PEDS1: variants seen among roughly 807,000 people sequenced by gnomAD.
The protein encoded by PEDS1 is plasmanylethanolamine desaturase 1.
PEDS1 carries 14 observed loss-of-function variants against 35.2 expected under a neutral mutation model. The ratio of observed to expected loss-of-function variants is 0.40; its 90% CI spans 0.26 to 0.62. PEDS1 has a LOEUF of 0.62. PEDS1 is among the 20% of genes least tolerant of loss of function. The pLI, the probability that PEDS1 is intolerant of heterozygous loss-of-function variation, is 0.44. For missense variants in PEDS1, 260 were observed against 367.8 expected (o/e 0.71, Z 2.40); for synonymous variants, 152 against 152.0 (o/e 1.00, Z 0.00).
Position 50,125,075 on chromosome 20 carries a change from C to T in PEDS1, c.796G>A (p.Ala266Thr), listed in dbSNP as rs748914753. 6.2e-6 allele frequency: 10 copies of T among 1,614,062 alleles called. No homozygotes were observed. Among genetic ancestry groups the T allele is most frequent in the Non-Finnish European group, 8.5e-6 (10 of 1,179,962 alleles). The change falls in exon 6 of 6, where the codon GCC (alanine) becomes ACC (threonine). Residue 266 changes from alanine to threonine, a missense_variant. By Grantham distance (58) the Ala-to-Thr change is moderately conservative. Around this residue, in one of 4 missense-constraint regions of PEDS1, gnomAD observed 83 missense variants for 142.8 expected, o/e 0.58. Coordinates refer to ENST00000371652, the MANE Select transcript of PEDS1 (RefSeq NM_199129.4). ...EKPRADDMKWAQKIK is the reference protein window; with the variant it reads ...EKPRADDMKWTQKIK ...CGGAGAAGTTATTTGATCTTCTGGGCCCATTTCATGTCATCTGCCCGAGGC... is the reference window on the plus strand; with the variant it reads ...CGGAGAAGTTATTTGATCTTCTGGGTCCATTTCATGTCATCTGCCCGAGGC...
chr20:50,125,244 G>C, intron 5 of PEDS1, 65 bp from the exon 6 acceptor site: 1 of 1,590,252 alleles, frequency 6.3e-7, no homozygotes, highest in Non-Finnish European at 8.6e-7. Context: ...TTGGAAGAGA[G>C]CTGACCTTCA....
At chr20:50,141,637 C>T (rs2081292465) in intron 2 of PEDS1, among the ~76,000 whole-genome samples, 1 of 152,238 alleles carries the variant, frequency 6.6e-6, no homozygotes, top group Non-Finnish European at 1.5e-5. Context: ...GAGGCCTGCT[C>T]GTAACCATCC....
chr20:50,131,921 C>T (rs537645888), intron 2 of PEDS1, among the ~76,000 whole-genome samples: 4 of 152,168 alleles, frequency 2.6e-5, no homozygotes, highest in South Asian at 4.1e-4. Flanking sequence ...GGGAATGATG[C>T]GACTGGGCGC....
intron 1 of PEDS1, among the ~76,000 whole-genome samples, chr20:50,144,586 A>G (rs2081327537): frequency 1.3e-5 from 2 of 152,226 alleles, no homozygotes; most frequent in Non-Finnish European, 1.5e-5. Context: ...CAGACACACG[A>G]GCCCAGACAA....
At chr20:50,134,822 C>A (rs2081216235) in intron 2 of PEDS1, among the ~76,000 whole-genome samples, 1 of 152,220 alleles carries the variant, frequency 6.6e-6, no homozygotes, top group African/African-American at 2.4e-5. Context: ...CCTGTCTGAC[C>A]AACCCCCAGG....
chr20:50,145,022 G>A (rs529919069), intron 1 of PEDS1, among the ~76,000 whole-genome samples: 1 of 152,110 alleles, frequency 6.6e-6, no homozygotes, highest in South Asian at 2.1e-4. Context: ...GGCCAACATG[G>A]TGAAACCCCA....
chr20:50,152,149 C>T (rs1028559619), intron 1 of PEDS1, among the ~76,000 whole-genome samples: 12 of 152,134 alleles, frequency 7.9e-5, no homozygotes, highest in Admixed American at 2.6e-4. Context: ...GAAACCATAG[C>T]GGCATGGACC....
intron 2 of PEDS1, 120 bp downstream of exon 2, chr20:50,143,382 G>A: frequency 6.8e-7 from 1 of 1,476,602 alleles, no homozygotes; most frequent in Non-Finnish European, 9.1e-7. Context: ...GGGTACTCAA[G>A]GCACATACTG....
intron 1 of PEDS1, among the ~76,000 whole-genome samples, chr20:50,148,109 C>T (rs1201654699): frequency 6.6e-6 from 1 of 152,192 alleles, no homozygotes; most frequent in Non-Finnish European, 1.5e-5. Flanking sequence ...AAAACATACA[C>T]AACTTAAGTA....
chr20:50,151,410 T>C, intron 1 of PEDS1: 1 of 738,934 alleles, frequency 1.4e-6, no homozygotes, highest in South Asian at 1.4e-5. Context: ...TGGGAATGAT[T>C]TGGGCTGTCT....
chr20:50,129,410 T>C lies in PEDS1; in HGVS notation c.478+136A>G. ...TCCATCTTCATGTCAGGTTTCCTGA[T>C]TTTACATGAAGACAATGAATGAAAA... On this transcript the variant is annotated intron_variant, in intron 4 of 5. Transcript: ENST00000371652. This position sits in a 1 kb window ranked among gnomAD's most constrained non-coding sequence, Gnocchi z 4.2. 1 of 1,349,798 alleles carries C rather than the reference T, an allele frequency of 7.4e-7. No homozygotes were observed. The allele number at this position is 1,349,798 out of a possible 1,614,324, so 83.6% of individuals were successfully genotyped here.
chr20:50,131,409 G>T (rs937306831), intron 2 of PEDS1, among the ~76,000 whole-genome samples: 2 of 152,106 alleles, frequency 1.3e-5, no homozygotes, highest in Admixed American at 6.6e-5. Context: ...ATCACTTGAG[G>T]TCAGGAGTTC....
rs542896368 is a variant in PEDS1, at chr20:50,129,977, G to A, written c.334-287C>T. ...GTAAGGGGGCTTGGAGACAACCTCCGCCCTTCCTCCCCACCCCAAGGCAGT... is the reference window on the plus strand; with the variant it reads ...GTAAGGGGGCTTGGAGACAACCTCCACCCTTCCTCCCCACCCCAAGGCAGT... On this transcript the variant is annotated intron_variant, in intron 3 of 5. Coordinates refer to ENST00000371652, the MANE Select transcript of PEDS1 (RefSeq NM_199129.4). The surrounding 1 kb of genome is among the most constrained non-coding windows in gnomAD (Gnocchi z 4.2). Among the ~76,000 whole-genome samples the A allele has an allele frequency of 6.6e-6, 1 of 152,152 alleles. No individual in the cohort carries two copies. The highest frequency in any genetic ancestry group is 2.4e-5 in the African/African-American group (1 of 41,518).
intron 1 of PEDS1, 37 bp from the exon 2 acceptor site, chr20:50,143,658 G>A (rs1185075460): frequency 6.2e-7 from 1 of 1,611,690 alleles, no homozygotes; most frequent in Non-Finnish European, 8.5e-7. Flanking sequence ...AGGCTGGAAG[G>A]TCAAGGCCAG....
chr20:50,128,283 G>T lies in PEDS1; in HGVS notation c.479-96C>A. The T allele has an allele frequency of 6.8e-7, 1 of 1,466,060 alleles. No individual in the cohort carries two copies. The highest frequency in any genetic ancestry group is 9.2e-7 in the Non-Finnish European group (1 of 1,082,160). 90.8% of individuals were successfully genotyped at this position (1,466,060 alleles called of 1,614,324 possible). A position where few individuals can be genotyped will look rare whatever the true frequency, so the allele number is the denominator to read the frequency against. ...CACCACCTGCTCCTGGGCGGCTCCT[G>T]AGCTGGGCAAGCACCCAGGATTCTC... On this transcript the variant is annotated intron_variant, in intron 4 of 5. Coordinates refer to ENST00000371652, the MANE Select transcript of PEDS1 (RefSeq NM_199129.4). The surrounding 1 kb of genome is among the most constrained non-coding windows in gnomAD (Gnocchi z 5.2).
intron 2 of PEDS1, 50 bp downstream of exon 2, chr20:50,143,452 C>A (rs1262564732): frequency 6.4e-7 from 1 of 1,571,152 alleles, no homozygotes; most frequent in South Asian, 1.2e-5. Context: ...CCCGGTGGGT[C>A]CCTGGCCCCT....
intron 2 of PEDS1, among the ~76,000 whole-genome samples, chr20:50,141,808 C>T (rs372862036): frequency 6.6e-6 from 1 of 152,362 alleles, no homozygotes; most frequent in South Asian, 2.1e-4. Context: ...TCTCTCCCCT[C>T]CAGCTGGTCC....
intron 2 of PEDS1, chr20:50,131,237 G>C: frequency 7.7e-6 from 5 of 651,964 alleles, no homozygotes. Flanking sequence ...AGCAGGCTGT[G>C]CCCTTCTCTC....
rs144562763 is a variant in PEDS1 at position 50,149,941 on chromosome 20, G to T, written c.121+3576C>A. Among the ~76,000 whole-genome samples, 63 of 152,248 alleles carry T rather than the reference G, an allele frequency of 4.1e-4. No individual in the cohort carries two copies. The East Asian group carries it at 0.012, about 28-fold the overall frequency. On this transcript the variant is annotated intron_variant, in intron 1 of 5. Transcript: ENST00000371652. ...AGCCTCTCCCATTTTCTAAGCCTCA[G>T]GAAATGTTCCAACAAAAGTGGACTG... is the stretch of plus-strand genomic sequence containing the variant.
Sources: allele counts gnomAD v4.1 joint callset (sites outside exome capture counted in the v4.1 genomes callset), GRCh38; gene constraint gnomAD v4.1.1; regional missense constraint gnomAD v4.1.1; non-coding constraint Gnocchi (gnomAD v3.1); transcripts MANE v1.5; gene names NCBI Gene and HGNC (gene_info 2026-07-23, HGNC 2026-07-21).